Variants in OTUD5 observed in about 807,000 individuals in gnomAD.
OTUD5 encodes OTU domain-containing protein 5.
Under a neutral mutation model 36.3 loss-of-function variants are expected in OTUD5, and 2 were observed. The ratio of observed to expected loss-of-function variants is 0.06; its 90% CI spans 0.02 to 0.17. The LOEUF is 0.17. Among genes scored for constraint, OTUD5 ranks in the 10% least tolerant of loss-of-function variants. OTUD5 has a pLI of 1.00. For synonymous variants in OTUD5, 234 were observed against 214.9 expected, an observed-to-expected ratio of 1.09 and a Z score of -0.78; for missense variants, 233 against 512.3, an observed-to-expected ratio of 0.45 and a Z score of 5.26.
intron 2 of OTUD5, among the ~76,000 whole-genome samples, chrX:48,942,299 TACACACACACACACACACACAC>T: frequency 1.8e-5 from 1 of 55,013 alleles, no homozygotes; most frequent in East Asian, 6.8e-4. Context: ...GCTAGCTAGA[TACACACACACACACACACACAC>T]ACACACACAC....
intron 5 of OTUD5, among the ~76,000 whole-genome samples, chrX:48,926,512 G>C (rs1033604563): frequency 9.0e-6 from 1 of 110,527 alleles, no homozygotes; most frequent in Non-Finnish European, 1.9e-5. Flanking sequence ...CACCACCCCC[G>C]GCTAACTTTT....
At chrX:48,941,673 C>A (rs1486328890) in intron 2 of OTUD5, among the ~76,000 whole-genome samples, 4 of 110,607 alleles carry the variant, frequency 3.6e-5, no homozygotes, top group African/African-American at 1.3e-4. Context: ...ATGTTTGCAG[C>A]CCCCGCCCAA....
At chrX:48,937,306 T>G (rs1462051544) in intron 2 of OTUD5, among the ~76,000 whole-genome samples, 1 of 112,190 alleles carries the variant, frequency 8.9e-6, no homozygotes, top group African/African-American at 3.2e-5. Flanking sequence ...TTCTGTAGAC[T>G]GAGCTTGGGG....
chrX:48,953,020 G>C (rs191364657), intron 1 of OTUD5, among the ~76,000 whole-genome samples: 1 of 112,185 alleles, frequency 8.9e-6, no homozygotes, highest in African/African-American at 3.2e-5. Context: ...AGACACACCT[G>C]GGCATGGACA....
rs371644557 is a variant in OTUD5 at position 48,945,126 on chromosome X, T to C, written c.595-843A>G. 5.4e-5 allele frequency among the ~76,000 whole-genome samples: 6 copies of C among 111,030 alleles called. No homozygotes were observed. The East Asian group carries it at 1.7e-3, about 31-fold the overall frequency. On this transcript the variant is annotated intron_variant, in intron 1 of 8. Transcript: ENST00000376488. ...ACAGATATCTACACATATATACATA[T>C]GTATGTATACAAACACACGTACACA... is the stretch of plus-strand genomic sequence containing the variant.
At chrX:48,930,807 C>CA (rs1255665601) in intron 5 of OTUD5, among the ~76,000 whole-genome samples, 20 of 110,356 alleles carry the variant, frequency 1.8e-4, no homozygotes, top group African/African-American at 6.6e-4. Flanking sequence ...CTAAACAATA[C>CA]AAAAAACAGC....
At chrX:48,957,609 G>A, upstream of OTUD5, 1 of 819,210 alleles carries the variant, frequency 1.2e-6, no homozygotes, top group Non-Finnish European at 1.5e-6. Context: ...ACCCGGCGCG[G>A]GGCACGCCGG....
At chrX:48,925,077 G>A (rs1557047385) in intron 6 of OTUD5, among the ~76,000 whole-genome samples, 1 of 110,205 alleles carries the variant, frequency 9.1e-6, no homozygotes, top group African/African-American at 3.3e-5. Context: ...AGGAGATGGA[G>A]ACCATCCTGG....
intron 2 of OTUD5, among the ~76,000 whole-genome samples, chrX:48,937,176 C>A (rs2063841483): frequency 8.9e-6 from 1 of 111,739 alleles, no homozygotes; most frequent in African/African-American, 3.3e-5. Context: ...CTCCCCCGCC[C>A]TCCCCAGCGG....
At position 48,957,472 on chromosome X, in the gene OTUD5, G is replaced by A; in HGVS notation, c.99C>T (p.Gly33=). 3 of 872,720 alleles carry A rather than the reference G, an allele frequency of 3.4e-6. No individual in the cohort carries two copies. The South Asian group carries it at 1.8e-4, about 52-fold the overall frequency. The allele number at this position is 872,720 out of a possible 1,213,427, so 71.9% of individuals were successfully genotyped here. The change falls in exon 1 of 9, where the codon GGC becomes GGT. Residue 33 remains glycine, a synonymous_variant. Transcript: ENST00000376488. ...PGPMPPAPRR[G]GGVGVGGGGT... Reference sequence around the variant, plus strand: ...CGCCGCCGCCCACGCCCACACCTCCGCCGCGCCGCGGCGCCGGGGGCATCG... The same window carrying A: ...CGCCGCCGCCCACGCCCACACCTCCACCGCGCCGCGGCGCCGGGGGCATCG...
intron 1 of OTUD5, among the ~76,000 whole-genome samples, chrX:48,949,248 T>C (rs1569516217): frequency 8.9e-6 from 1 of 112,008 alleles, no homozygotes; most frequent in Admixed American, 9.5e-5. Flanking sequence ...AAATGTTACC[T>C]TATAATGAAA....
rs1557055764 is a variant in OTUD5 at position 48,957,242 on chromosome X, C to A, written c.329G>T (p.Gly110Val). The A allele has an allele frequency of 1.4e-5, 15 of 1,092,960 alleles. No individual in the cohort carries two copies. Among genetic ancestry groups the A allele is most frequent in the Non-Finnish European group, 1.7e-5 (14 of 847,936 alleles). The allele number at this position is 1,092,960 out of a possible 1,213,427, so 90.1% of individuals were successfully genotyped here. ...PPPCGGPGGP[G>V]GGPGDALGAA... ...GCCCAGCGCGTCGCCGGGACCGCCG[C>A]CGGGACCACCTGGGCCCCCGCAAGG... is the stretch of plus-strand genomic sequence containing the variant. Residue 110 changes from glycine (G) to valine (V), a missense_variant, in exon 1 of 9, where the codon GGC (glycine) becomes GTC (valine). Physicochemically the swap from Gly to Val is moderately radical, Grantham distance 109 (BLOSUM62 -3). This residue lies in a region of OTUD5 where 155 missense variants were observed against 217.2 expected (regional missense o/e 0.71). Coordinates refer to ENST00000376488, the MANE Select transcript of OTUD5 (RefSeq NM_001136157.2).
chrX:48,947,223 T>G (rs1356986894), intron 1 of OTUD5, among the ~76,000 whole-genome samples: 1 of 109,038 alleles, frequency 9.2e-6, no homozygotes, highest in Non-Finnish European at 1.9e-5. Context: ...TACTAAAAAA[T>G]ACAAAAAAAA....
chrX:48,944,066 G>A (rs1406758549), intron 2 of OTUD5, 124 bp downstream of exon 2: 1 of 459,363 alleles, frequency 2.2e-6, no homozygotes, highest in Non-Finnish European at 3.8e-6. Flanking sequence ...ACTTGAGGCT[G>A]GAGCCTAGAG....
At chrX:48,951,683 C>A (rs1395460269) in intron 1 of OTUD5, among the ~76,000 whole-genome samples, 1 of 111,577 alleles carries the variant, frequency 9.0e-6, no homozygotes, top group African/African-American at 3.3e-5. Context: ...AGGACCAACA[C>A]AAGCCCTCCA....
At chrX:48,939,738 G>T (rs1243088278) in intron 2 of OTUD5, among the ~76,000 whole-genome samples, 8 of 112,138 alleles carry the variant, frequency 7.1e-5, no homozygotes, top group African/African-American at 2.6e-4. Context: ...CTGTTGCCCG[G>T]GGGAAGTCCT....
chrX:48,923,877 G>C lies in OTUD5; in HGVS notation c.1439C>G (p.Ala480Gly), dbSNP rs1322657324. The C allele has an allele frequency of 2.2e-5, 27 of 1,210,583 alleles. No homozygotes were observed. Among genetic ancestry groups the C allele is most frequent in the Non-Finnish European group, 2.9e-5 (26 of 895,194 alleles). ...PPSPGTVLAL[A>G]KPPSPCAPGT... ...TGGCGCACAGGGCGAAGGAGGTTTG[G>C]CAAGAGCTAAAACAGTGCCTGGGGA... Residue 480 changes from alanine (A) to glycine (G), a missense_variant, in exon 7 of 9, where the codon GCC becomes GGC. By Grantham distance (60) the Ala-to-Gly change is moderately conservative (BLOSUM62 0). Transcript: ENST00000376488.
chrX:48,958,146 T>C (rs2064291227), upstream of OTUD5: 1 of 113,421 alleles, frequency 8.8e-6, no homozygotes, highest in African/African-American at 3.2e-5. Flanking sequence ...CCGTCTCAAA[T>C]TTCAGTCAAA....
intron 8 of OTUD5, 132 bp downstream of exon 8, chrX:48,923,501 C>T (rs1557046836): frequency 1.7e-6 from 1 of 578,538 alleles, no homozygotes; most frequent in Non-Finnish European, 2.8e-6. Context: ...GAAAAATCCC[C>T]TCCAGTGCCT....
Sources: gnomAD v4.1 joint callset for allele counts (sites outside exome capture counted in the v4.1 genomes callset) on GRCh38, gnomAD v4.1.1 for gene constraint, gnomAD v4.1.1 regional missense constraint, MANE v1.5 for transcripts, NCBI Gene and HGNC (gene_info 2026-07-23, HGNC 2026-07-21) for gene names.